PRPF6: variants seen among roughly 807,000 people sequenced by gnomAD.
PRPF6 encodes pre-mRNA-processing factor 6.
Under a neutral mutation model 118.3 loss-of-function variants are expected in PRPF6, and 42 were observed. That is an observed-to-expected ratio of 0.35 (90% CI 0.28 to 0.46). PRPF6 has a LOEUF of 0.46. PRPF6 is among the 20% of genes least tolerant of loss of function. The probability of loss-of-function intolerance (pLI) is 1.00; values close to 1 mark genes in which losing one functional copy is unlikely to be tolerated. For missense variants in PRPF6, 662 were observed against 1,255.7 expected, an observed-to-expected ratio of 0.53 and a Z score of 7.15; for synonymous variants, 481 against 485.1, an observed-to-expected ratio of 0.99 and a Z score of 0.11.
At position 64,026,120 on chromosome 20, in the gene PRPF6, C is replaced by T. The variant is rs1298964480; in HGVS notation, c.2028+62C>T. On this transcript the variant is annotated intron_variant, in intron 15 of 20. Coordinates refer to ENST00000266079, the MANE Select transcript of PRPF6 (RefSeq NM_012469.4). This position sits in a 1 kb window ranked among gnomAD's most constrained non-coding sequence, Gnocchi z 4.4. Reference sequence around the variant, plus strand: ...GCATGGTGTGCACATGCGGGCCCCACGCCTGGCTTGGGTGGTGATGGGAGT... The same window carrying T: ...GCATGGTGTGCACATGCGGGCCCCATGCCTGGCTTGGGTGGTGATGGGAGT... 11 of 1,593,418 alleles carry T rather than the reference C, an allele frequency of 6.9e-6. No homozygotes were observed. The highest frequency in any genetic ancestry group is 1.3e-5 in the African/African-American group (1 of 74,782).
At chr20:64,031,688 A>AG (rs1569227261) in intron 19 of PRPF6, among the ~76,000 whole-genome samples, 1 of 132,204 alleles carries the variant, frequency 7.6e-6, no homozygotes, top group African/African-American at 2.9e-5. Context: ...AAAAAAAAAA[A>AG]AAACAACAAA....
intron 9 of PRPF6, among the ~76,000 whole-genome samples, chr20:64,005,426 G>A (rs1439732883): frequency 6.6e-6 from 1 of 152,168 alleles, no homozygotes; most frequent in Non-Finnish European, 1.5e-5. Context: ...CCACGCAGTC[G>A]AGGTGAGAGC....
intron 12 of PRPF6, among the ~76,000 whole-genome samples, chr20:64,021,776 C>CTG (rs1172891295): frequency 2.8e-5 from 4 of 142,552 alleles, no homozygotes; most frequent in Non-Finnish European, 6.0e-5. Flanking sequence ...GGCCACAGCC[C>CTG]TGTGTGTGTG....
intron 9 of PRPF6, among the ~76,000 whole-genome samples, chr20:64,002,756 G>A (rs2059173665): frequency 6.7e-6 from 1 of 149,418 alleles, no homozygotes; most frequent in South Asian, 2.1e-4. Context: ...CAATCCTCTT[G>A]CCTCAGCCTT....
intron 2 of PRPF6, among the ~76,000 whole-genome samples, chr20:63,983,849 C>G (rs1276575703): frequency 6.6e-6 from 1 of 152,062 alleles, no homozygotes; most frequent in East Asian, 1.9e-4. Context: ...GACAGGGTTT[C>G]TCCATGTTGG....
chr20:64,029,379 A>G lies in PRPF6; in HGVS notation c.2434A>G (p.Ile812Val), dbSNP rs1601534254. The change falls in exon 19 of 21, where the codon ATC becomes GTC. Residue 812 changes from isoleucine to valine, a missense_variant and splice_region_variant. Physicochemically the swap from Ile to Val is conservative, Grantham distance 29 (BLOSUM62 3). Transcript: ENST00000266079. This position sits in a 1 kb window ranked among gnomAD's most constrained non-coding sequence, Gnocchi z 4.8. ...TGTTCTTTGTTTCTGAATTATAGGT[A>G]TCCTGTGGTCTGAGGCCATCTTCCT... ...KALQECPNSG[I>V]LWSEAIFLEA... is the part of the protein sequence containing the mutation. 4 of 1,613,626 alleles carry G rather than the reference A, an allele frequency of 2.5e-6. No homozygotes were observed. Among genetic ancestry groups the G allele is most frequent in the Non-Finnish European group, 3.4e-6 (4 of 1,179,572 alleles).
intron 3 of PRPF6, 131 bp from the exon 4 acceptor site, chr20:63,993,276 A>ATC (rs1225524955): frequency 4.1e-6 from 2 of 490,530 alleles, no homozygotes; most frequent in Non-Finnish European, 7.6e-6. Context: ...ATGTATATAT[A>ATC]TATATATATA....
chr20:63,998,315 G>A (rs1295768828), intron 6 of PRPF6, among the ~76,000 whole-genome samples: 2 of 149,930 alleles, frequency 1.3e-5, no homozygotes, highest in Non-Finnish European at 1.5e-5. Context: ...GGCTGGTCTC[G>A]AACTCCTGAT....
chr20:64,032,075 G>T, intron 20 of PRPF6, 31 bp downstream of exon 20: 1 of 1,613,326 alleles, frequency 6.2e-7, no homozygotes, highest in Non-Finnish European at 8.5e-7. Context: ...GCCGCTCAGT[G>T]CCTTCTGGGA....
chr20:63,996,228 A>G (rs1367598577), intron 6 of PRPF6, among the ~76,000 whole-genome samples: 1 of 152,110 alleles, frequency 6.6e-6, no homozygotes, highest in Non-Finnish European at 1.5e-5. Context: ...AATCCCAGCT[A>G]CTTGGGAGGC....
intron 12 of PRPF6, among the ~76,000 whole-genome samples, chr20:64,017,326 C>T (rs534959861): frequency 1.6e-4 from 24 of 145,866 alleles, no homozygotes; most frequent in African/African-American, 5.8e-4. Flanking sequence ...CCACCGCGCC[C>T]GGCCTCCCAG....
intron 4 of PRPF6, among the ~76,000 whole-genome samples, chr20:63,994,518 A>G (rs2059132957): frequency 6.6e-6 from 1 of 152,116 alleles, no homozygotes; most frequent in Non-Finnish European, 1.5e-5. Context: ...AGTGGCTCAC[A>G]TCTGTAATCT....
In PRPF6 at chr20:64,032,894, G is replaced by A; in HGVS notation, c.2727G>A (p.Gly909=). ...GTGAGAGTGCAGAGCCTCGGCATGG[G>A]GAGCTGTGGTGCGCCGTGTCCAAGG... is the stretch of plus-strand genomic sequence containing the variant. The part of the protein sequence containing the change: ...KRCESAEPRH[G]ELWCAVSKDI... The change falls in exon 21 of 21, where the codon GGG becomes GGA. Residue 909 remains glycine, a synonymous_variant. Transcript: ENST00000266079. The A allele has an allele frequency of 1.2e-6, 2 of 1,613,224 alleles. No homozygotes were observed. The highest frequency in any genetic ancestry group is 1.7e-6 in the Non-Finnish European group (2 of 1,179,998).
At chr20:64,017,556 C>G (rs1242161881) in intron 12 of PRPF6, among the ~76,000 whole-genome samples, 3 of 121,148 alleles carry the variant, frequency 2.5e-5, no homozygotes, top group South Asian at 2.7e-4. Context: ...CGGCCTCCCA[C>G]GGTGCTGGGA....
In PRPF6 at chr20:63,999,137, C is replaced by T. The variant is rs770515721; in HGVS notation, c.864C>T (p.Ile288=). ...TGATCCCGACACACGGAGGAGACAT[C>T]AAGTGAGTGCTTTGCAGAATCGCTG... ...NSMIPTHGGD[I]NDIKKARLLL... is the part of the protein sequence containing the mutation. Residue 288 remains isoleucine, a splice_region_variant and synonymous_variant, in exon 7 of 21, where the codon ATC becomes ATT. Coordinates refer to ENST00000266079, the MANE Select transcript of PRPF6 (RefSeq NM_012469.4). 5.6e-6 allele frequency: 9 copies of T among 1,613,386 alleles called. No individual in the cohort carries two copies. The South Asian group carries it at 9.9e-5, about 18-fold the overall frequency.
chr20:63,983,302 T>C (rs773322776), intron 2 of PRPF6, 87 bp downstream of exon 2: 2 of 1,489,786 alleles, frequency 1.3e-6, no homozygotes, highest in Non-Finnish European at 1.9e-6. Context: ...CTGTAATGAA[T>C]GGCTTGGAGT....
chr20:63,983,503 G>A (rs1459723333), intron 2 of PRPF6, among the ~76,000 whole-genome samples: 2 of 137,200 alleles, frequency 1.5e-5, no homozygotes, highest in African/African-American at 5.6e-5. Flanking sequence ...CGCTCTTGTC[G>A]GAAGAGATGT....
At chr20:63,988,491 C>T (rs2059104670) in intron 3 of PRPF6, among the ~76,000 whole-genome samples, 1 of 151,776 alleles carries the variant, frequency 6.6e-6, no homozygotes, top group African/African-American at 2.4e-5. Context: ...AGTGAGACTC[C>T]ATCTTAAAAT....
At position 64,033,082 on chromosome 20, in the gene PRPF6, T is replaced by G; in HGVS notation, c.*89T>G. The stretch of plus-strand genomic sequence containing the variant: ...GCTGTGTCCTCCTTCATTAAAAGTT[T>G]TTATGTCTCGTGTCAGAACAGGCAG... On this transcript the variant is annotated 3_prime_UTR_variant, in exon 21 of 21. Coordinates refer to ENST00000266079, the MANE Select transcript of PRPF6 (RefSeq NM_012469.4). 1.3e-6 allele frequency: 2 copies of G among 1,577,864 alleles called. No individual in the cohort carries two copies. The highest frequency in any genetic ancestry group is 2.7e-5 in the African/African-American group (2 of 74,374).
Sources: allele counts gnomAD v4.1 joint callset (sites outside exome capture counted in the v4.1 genomes callset), GRCh38; gene constraint gnomAD v4.1.1; non-coding constraint Gnocchi (gnomAD v3.1); transcripts MANE v1.5; gene names NCBI Gene and HGNC (gene_info 2026-07-23, HGNC 2026-07-21).